Variants in ITGA9 observed in about 807,000 individuals in gnomAD.
The protein encoded by ITGA9 is integrin alpha-9.
In ITGA9, 56 loss-of-function variants were observed where a neutral mutation model predicts 127.8. The observed-to-expected ratio is 0.44, with a 90% CI of 0.35 to 0.55. The LOEUF (loss-of-function observed/expected upper bound fraction) is 0.55. ITGA9 is among the 20% of genes least tolerant of loss of function. ITGA9 has a pLI of 0.00. For synonymous variants in ITGA9, 508 were observed against 514.5 expected (o/e 0.99, Z 0.17); for missense variants, 1,196 against 1,347.1 (o/e 0.89, Z 1.76).
chr3:37,567,987 C>G (rs918073029), intron 15 of ITGA9, among the ~76,000 whole-genome samples: 3 of 152,326 alleles, frequency 2.0e-5, no homozygotes, highest in African/African-American at 7.2e-5. Flanking sequence ...AGGCAGTGCC[C>G]CAGCAGGAGT....
chr3:37,671,639 G>C (rs2125656696), intron 17 of ITGA9, among the ~76,000 whole-genome samples: 1 of 152,264 alleles, frequency 6.6e-6, no homozygotes, highest in East Asian at 1.9e-4. Context: ...GGTATTTCTG[G>C]CTTCCTATAA....
intron 3 of ITGA9, among the ~76,000 whole-genome samples, chr3:37,474,791 G>A (rs1278033949): frequency 1.3e-5 from 2 of 152,232 alleles, no homozygotes; most frequent in Non-Finnish European, 2.9e-5. Flanking sequence ...GCAAAGCTGA[G>A]GGTTTCGTGT....
intron 15 of ITGA9, among the ~76,000 whole-genome samples, chr3:37,585,175 C>T (rs1376383688): frequency 6.6e-6 from 1 of 151,882 alleles, no homozygotes; most frequent in Admixed American, 6.5e-5. Context: ...TTAAACTGAC[C>T]CCCCTTACTG....
chr3:37,526,560 C>G (rs764813958), intron 13 of ITGA9, among the ~76,000 whole-genome samples: 9 of 152,220 alleles, frequency 5.9e-5, no homozygotes, highest in Non-Finnish European at 1.0e-4. Context: ...GCACGTCATT[C>G]CCTGTTGGCT....
intron 15 of ITGA9, among the ~76,000 whole-genome samples, chr3:37,623,891 G>A (rs1482945929): frequency 1.3e-5 from 2 of 152,086 alleles, no homozygotes; most frequent in Admixed American, 1.3e-4. Context: ...TAAAGGAAAA[G>A]GCATCCCACT....
chr3:37,517,406 C>T, intron 9 of ITGA9, 98 bp from the exon 10 acceptor site: 5 of 909,462 alleles, frequency 5.5e-6, no homozygotes, highest in Non-Finnish European at 8.7e-6. Context: ...TGTGCTCTAG[C>T]AGGGCAGCAT....
intron 15 of ITGA9, among the ~76,000 whole-genome samples, chr3:37,612,038 A>T (rs1026129620): frequency 2.0e-5 from 3 of 152,078 alleles, no homozygotes; most frequent in Non-Finnish European, 2.9e-5. Flanking sequence ...TGAACCTGTC[A>T]TAAAATGTAA....
At chr3:37,633,666 C>T (rs1413243179) in intron 16 of ITGA9, among the ~76,000 whole-genome samples, 6 of 152,188 alleles carry the variant, frequency 3.9e-5, no homozygotes, top group Non-Finnish European at 7.3e-5. Context: ...ATCCATTTCT[C>T]TCTCTTCTGA....
chr3:37,486,390 A>T (rs1196655723), intron 4 of ITGA9, among the ~76,000 whole-genome samples: 2 of 152,258 alleles, frequency 1.3e-5, no homozygotes, highest in Admixed American at 1.3e-4. Flanking sequence ...TAGTGACCTT[A>T]GGCAAGCTCC....
At chr3:37,705,520 G>A (rs1027677615) in intron 18 of ITGA9, among the ~76,000 whole-genome samples, 10 of 152,226 alleles carry the variant, frequency 6.6e-5, no homozygotes, top group Non-Finnish European at 1.5e-4. Flanking sequence ...GTTCAGAATA[G>A]TTTCTTCTTT....
At chr3:37,685,941 G>T (rs931457523) in intron 18 of ITGA9, among the ~76,000 whole-genome samples, 5 of 152,084 alleles carry the variant, frequency 3.3e-5, no homozygotes, top group African/African-American at 9.7e-5. Flanking sequence ...TTTTAGCTTG[G>T]AGATTGCATA....
chr3:37,794,470 A>C (rs1697148946), intron 26 of ITGA9, among the ~76,000 whole-genome samples: 1 of 152,140 alleles, frequency 6.6e-6, no homozygotes, highest in South Asian at 2.1e-4. Flanking sequence ...GCTCAGACTT[A>C]TTTGGTGGTC....
chr3:37,477,336 T>C (rs1465173359), intron 3 of ITGA9, among the ~76,000 whole-genome samples: 1 of 152,140 alleles, frequency 6.6e-6, no homozygotes, highest in Non-Finnish European at 1.5e-5. Context: ...CTGGTGCTGA[T>C]AGAAAACCTA....
intron 22 of ITGA9, among the ~76,000 whole-genome samples, chr3:37,747,445 T>C (rs1696514990): frequency 6.6e-6 from 1 of 152,192 alleles, no homozygotes; most frequent in African/African-American, 2.4e-5. Context: ...TAAATTATTA[T>C]TGACTATAGT....
intron 17 of ITGA9, among the ~76,000 whole-genome samples, chr3:37,670,749 C>G (rs906590253): frequency 6.6e-6 from 1 of 152,176 alleles, no homozygotes; most frequent in Non-Finnish European, 1.5e-5. Context: ...GTGCTCTCCC[C>G]TTTCCCATAG....
chr3:37,787,207 T>A (rs1394510606), intron 26 of ITGA9, among the ~76,000 whole-genome samples: 1 of 152,188 alleles, frequency 6.6e-6, no homozygotes, highest in East Asian at 1.9e-4. Flanking sequence ...TAGAATGTTC[T>A]GGTAAACCAC....
rs923967084 is a variant in ITGA9 at position 37,821,708 on chromosome 3, C to T, written c.*2719C>T. ...AAGGGTAGACTCCTGTGGGCAGTCTCAGAGCTGGGACCTATTTGCTTCTGC... is the reference window on the plus strand; with the variant it reads ...AAGGGTAGACTCCTGTGGGCAGTCTTAGAGCTGGGACCTATTTGCTTCTGC... On this transcript the variant is annotated 3_prime_UTR_variant, in exon 28 of 28. Coordinates refer to ENST00000264741, the MANE Select transcript of ITGA9 (RefSeq NM_002207.3). The T allele has an allele frequency of 6.6e-6, 1 of 151,946 alleles. No individual in the cohort carries two copies. Among genetic ancestry groups the T allele is most frequent in the Non-Finnish European group, 1.5e-5 (1 of 68,034 alleles). The allele number at this position is 151,946 out of a possible 1,614,324, so 9.4% of individuals were successfully genotyped here.
intron 23 of ITGA9, among the ~76,000 whole-genome samples, chr3:37,767,523 C>T (rs1696793342): frequency 6.6e-6 from 1 of 152,208 alleles, no homozygotes; most frequent in Non-Finnish European, 1.5e-5. Context: ...TCCACCTGCT[C>T]TATCCCCAGC....
intron 22 of ITGA9, chr3:37,749,826 T>G (rs1015960320): frequency 6.4e-6 from 1 of 155,486 alleles, no homozygotes; most frequent in African/African-American, 2.4e-5. Context: ...GCCCTTTCTG[T>G]ATATTCGATC....
Sources: allele counts gnomAD v4.1 joint callset (sites outside exome capture counted in the v4.1 genomes callset), GRCh38; gene constraint gnomAD v4.1.1; transcripts MANE v1.5; gene names NCBI Gene and HGNC (gene_info 2026-07-23, HGNC 2026-07-21).